The following ABR variants were observed in gnomAD, a reference collection of about 807,000 sequenced individuals.
ABR encodes the protein active breakpoint cluster region-related protein.
ABR carries 35 observed loss-of-function variants against 107.2 expected under a neutral mutation model. That is an observed-to-expected ratio of 0.33 (90% CI 0.25 to 0.43). The LOEUF is 0.43. ABR is among the 20% of genes least tolerant of loss of function. ABR has a pLI of 1.00. For missense variants in ABR, 815 were observed against 1,115.2 expected, an observed-to-expected ratio of 0.73 and a Z score of 3.83; for synonymous variants, 498 against 462.0, an observed-to-expected ratio of 1.08 and a Z score of -1.00.
chr17:1,226,038 C>T (rs990638204), intron 1 of ABR, among the ~76,000 whole-genome samples: 6 of 152,180 alleles, frequency 3.9e-5, no homozygotes, highest in Admixed American at 6.5e-5. Flanking sequence ...TAATACTCGC[C>T]GTGTCCAATG....
intron 1 of ABR, among the ~76,000 whole-genome samples, chr17:1,141,041 T>G (rs2040264299): frequency 6.6e-6 from 1 of 152,010 alleles, no homozygotes; most frequent in Non-Finnish European, 1.5e-5. Flanking sequence ...AATAACATGA[T>G]GTAGGTTAAA....
intron 16 of ABR, among the ~76,000 whole-genome samples, chr17:1,039,074 G>A (rs1406902415): frequency 1.3e-5 from 2 of 152,292 alleles, no homozygotes; most frequent in Admixed American, 1.3e-4. Flanking sequence ...TCTGAGTCTG[G>A]GAGCCCGGCA....
chr17:1,140,774 G>A (rs1003896148), intron 1 of ABR, among the ~76,000 whole-genome samples: 3 of 152,026 alleles, frequency 2.0e-5, no homozygotes, highest in African/African-American at 7.2e-5. Context: ...GTAGAGATGG[G>A]GTTTCACCAT....
At chr17:1,006,455 C>T (rs2070043340) in intron 22 of ABR, among the ~76,000 whole-genome samples, 1 of 152,200 alleles carries the variant, frequency 6.6e-6, no homozygotes, top group South Asian at 2.1e-4. Flanking sequence ...GGGAAGCCTC[C>T]CGCCCTTGGA....
At chr17:1,137,721 A>C (rs1013855286) in intron 1 of ABR, among the ~76,000 whole-genome samples, 1 of 152,190 alleles carries the variant, frequency 6.6e-6, no homozygotes. Context: ...AAAACGCAGC[A>C]TCTTTGAAGC....
intron 16 of ABR, among the ~76,000 whole-genome samples, chr17:1,030,757 G>T (rs1002042463): frequency 6.6e-6 from 1 of 152,272 alleles, no homozygotes; most frequent in African/African-American, 2.4e-5. Flanking sequence ...TCCCCACCAC[G>T]GACTGGCCAA....
intron 16 of ABR, chr17:1,031,656 G>C: frequency 7.9e-7 from 1 of 1,258,888 alleles, no homozygotes; most frequent in South Asian, 2.8e-5. Context: ...GGTGTTGGGG[G>C]GGCGCTTGCT....
At chr17:1,172,931 A>G (rs2041767886) in intron 1 of ABR, among the ~76,000 whole-genome samples, 2 of 144,984 alleles carry the variant, frequency 1.4e-5, no homozygotes, top group Non-Finnish European at 1.5e-5. Context: ...CCAAGAATAT[A>G]GAACAGAGCA....
At chr17:1,192,391 G>A (rs1440517479) in intron 1 of ABR, among the ~76,000 whole-genome samples, 1 of 91,440 alleles carries the variant, frequency 1.1e-5, no homozygotes, top group South Asian at 3.8e-4. Flanking sequence ...AAATCACAGA[G>A]AGGGAAAGAC....
rs1439517329 is a variant in ABR at position 1,006,040 on chromosome 17, G to T, written c.*40C>A. 6.7e-7 allele frequency: 1 copy of T among 1,500,550 alleles called. No individual in the cohort carries two copies. Among genetic ancestry groups the T allele is most frequent in the South Asian group, 1.2e-5 (1 of 83,098 alleles). 93.0% of individuals were successfully genotyped at this position (1,500,550 alleles called of 1,614,324 possible). ...TCTGAGTTGGACCCCAGGCTGGAGG[G>T]GCTGGTTCCACCACCCGCCCGCAGC... On this transcript the variant is annotated 3_prime_UTR_variant, in exon 23 of 23. Transcript: ENST00000302538.
intron 8 of ABR, among the ~76,000 whole-genome samples, chr17:1,072,123 C>T (rs2035287128): frequency 6.6e-6 from 1 of 152,176 alleles, no homozygotes; most frequent in African/African-American, 2.4e-5. Context: ...AGGCTGGTCT[C>T]AAACTTCTAA....
intron 4 of ABR, among the ~76,000 whole-genome samples, chr17:1,088,868 A>G (rs979733170): frequency 6.8e-6 from 1 of 148,092 alleles, no homozygotes; most frequent in African/African-American, 2.5e-5. Context: ...CTGGGATTAT[A>G]AGCGTGAGCC....
At chr17:1,065,998 G>T (rs1225923928) in intron 10 of ABR, among the ~76,000 whole-genome samples, 1 of 152,120 alleles carries the variant, frequency 6.6e-6, no homozygotes, top group East Asian at 1.9e-4. Context: ...GCCTGCCTGG[G>T]CCTCCTAAAG....
In ABR at chr17:1,010,070, C is replaced by T. The variant is rs1056433694; in HGVS notation, c.2237-286G>A. ...TTGGGTGCTGGGGCATCCCCTGTCT[C>T]GTAACAGGACACCCCCTGGTCTGTG... is the stretch of plus-strand genomic sequence containing the variant. On this transcript the variant is annotated intron_variant, in intron 20 of 22. Transcript: ENST00000302538. This position sits in a 1 kb window ranked among gnomAD's most constrained non-coding sequence, Gnocchi z 4.1. 2.8e-5 allele frequency: 15 copies of T among 529,310 alleles called. No individual in the cohort carries two copies. Among genetic ancestry groups the T allele is most frequent in the African/African-American group, 5.7e-5 (3 of 52,684 alleles). 32.8% of individuals were successfully genotyped at this position (529,310 alleles called of 1,614,324 possible).
chr17:1,137,764 T>C (rs1484095652), intron 1 of ABR, among the ~76,000 whole-genome samples: 1 of 152,016 alleles, frequency 6.6e-6, no homozygotes, highest in Non-Finnish European at 1.5e-5. Flanking sequence ...TAAAGCGAGG[T>C]ACGCCTGCAC....
At chr17:1,223,009 C>CT (rs2043145893) in intron 1 of ABR, among the ~76,000 whole-genome samples, 1 of 151,972 alleles carries the variant, frequency 6.6e-6, no homozygotes, top group African/African-American at 2.4e-5. Flanking sequence ...CAAGACCAGC[C>CT]TGGACAACAT....
rs752645689 is a variant in ABR, at chr17:1,179,771, G to A, written c.-44C>T. 6.7e-6 allele frequency: 4 copies of A among 600,150 alleles called. 1 individual carries two copies. The South Asian group carries it at 7.2e-5, about 11-fold the overall frequency. The allele number at this position is 600,150 out of a possible 1,614,324, so 37.2% of individuals were successfully genotyped here. Reference sequence around the variant, plus strand: ...TCAGATCCGAAACCCGACCCTCATCGCGCAACAAAGGAGGGAGAGCGGGCG... The same window carrying A: ...TCAGATCCGAAACCCGACCCTCATCACGCAACAAAGGAGGGAGAGCGGGCG... On this transcript the variant is annotated 5_prime_UTR_variant, in exon 1 of 23. Coordinates refer to ENST00000302538, the MANE Select transcript of ABR (RefSeq NM_021962.5). This position sits in a 1 kb window ranked among gnomAD's most constrained non-coding sequence, Gnocchi z 4.9.
intron 2 of ABR, chr17:1,108,797 G>C: frequency 9.2e-7 from 1 of 1,087,650 alleles, no homozygotes; most frequent in East Asian, 3.4e-5. Context: ...CCCGGGAACA[G>C]CTGCCGGGGC....
intron 1 of ABR, among the ~76,000 whole-genome samples, chr17:1,146,786 CTGCCACCA>C (rs1236113334): frequency 1.5e-5 from 1 of 65,460 alleles, no homozygotes; most frequent in Non-Finnish European, 4.0e-5. Flanking sequence ...CAGGCCACCA[CTGCCACCA>C]TGCCACCACT....
Sources: allele counts gnomAD v4.1 joint callset (sites outside exome capture counted in the v4.1 genomes callset), GRCh38; gene constraint gnomAD v4.1.1; non-coding constraint Gnocchi (gnomAD v3.1); transcripts MANE v1.5; gene names NCBI Gene and HGNC (gene_info 2026-07-23, HGNC 2026-07-21).